The following LMX1A variants were observed in gnomAD, a reference collection of about 807,000 sequenced individuals.
LMX1A encodes the protein LIM homeobox transcription factor 1-alpha.
Under a neutral mutation model 49.1 loss-of-function variants are expected in LMX1A, and 15 were observed. That is an observed-to-expected ratio of 0.31 (90% CI 0.20 to 0.47). LMX1A has a LOEUF of 0.47. LMX1A is among the 20% of genes least tolerant of loss of function. The pLI is 1.00. For synonymous variants in LMX1A, 167 were observed against 185.7 expected (o/e 0.90, Z 0.82); for missense variants, 372 against 475.8 (o/e 0.78, Z 2.03).
At chr1:165,296,675 A>C (rs1171619626) in intron 3 of LMX1A, among the ~76,000 whole-genome samples, 1 of 152,240 alleles carries the variant, frequency 6.6e-6, no homozygotes, top group Admixed American at 6.5e-5. Flanking sequence ...GACCTCATAT[A>C]ATGGGATCTG....
chr1:165,328,512 A>C (rs1557886486), intron 3 of LMX1A, among the ~76,000 whole-genome samples: 2 of 152,158 alleles, frequency 1.3e-5, no homozygotes, highest in African/African-American at 4.8e-5. Context: ...AGACTGAACT[A>C]TGTGGTCCAC....
At chr1:165,353,765 G>A (rs1025246298) in intron 2 of LMX1A, among the ~76,000 whole-genome samples, 1 of 152,156 alleles carries the variant, frequency 6.6e-6, no homozygotes, top group Non-Finnish European at 1.5e-5. Context: ...AAAAGTCCTG[G>A]GGGTACAGAA....
intron 3 of LMX1A, among the ~76,000 whole-genome samples, chr1:165,331,956 C>T (rs952648352): frequency 2.0e-5 from 3 of 151,920 alleles, no homozygotes; most frequent in African/African-American, 7.3e-5. Flanking sequence ...ATAAAGAACA[C>T]AGAGGGGAAA....
At chr1:165,344,924 C>T (rs1656186882) in intron 3 of LMX1A, among the ~76,000 whole-genome samples, 1 of 152,252 alleles carries the variant, frequency 6.6e-6, no homozygotes, top group African/African-American at 2.4e-5. Flanking sequence ...CCAGGCCAAG[C>T]TGGCATCAGC....
chr1:165,230,396 T>C (rs1368768190), intron 4 of LMX1A, among the ~76,000 whole-genome samples: 2 of 149,794 alleles, frequency 1.3e-5, no homozygotes, highest in Non-Finnish European at 3.0e-5. Flanking sequence ...ACTTAGGCAA[T>C]GCCCAAGGAA....
chr1:165,246,023 A>G lies in LMX1A; in HGVS notation c.496+3385T>C, dbSNP rs138672935. ...CAACAAACACTTATCAAACACCTAC[A>G]ATATATACGTAAGGTGCTCAAGACA... On this transcript the variant is annotated intron_variant, in intron 4 of 8. Transcript: ENST00000342310. Among the ~76,000 whole-genome samples the G allele has an allele frequency of 4.5e-4, 69 of 151,990 alleles. No individual in the cohort carries two copies. The East Asian group carries it at 0.013, about 28-fold the overall frequency.
At chr1:165,269,381 C>T (rs911020277) in intron 3 of LMX1A, among the ~76,000 whole-genome samples, 1 of 152,178 alleles carries the variant, frequency 6.6e-6, no homozygotes, top group Admixed American at 6.5e-5. Context: ...GAATTTCAAC[C>T]ACACTAGACA....
intron 4 of LMX1A, among the ~76,000 whole-genome samples, chr1:165,239,353 C>T (rs1385673530): frequency 6.6e-6 from 1 of 152,194 alleles, no homozygotes; most frequent in Admixed American, 6.5e-5. Flanking sequence ...CTTTACCCAA[C>T]TCATAATTAT....
At chr1:165,217,754 C>A (rs574369288) in intron 4 of LMX1A, among the ~76,000 whole-genome samples, 1 of 152,194 alleles carries the variant, frequency 6.6e-6, no homozygotes, top group South Asian at 2.1e-4. Context: ...CAGTTCAAAT[C>A]CATGTTGCTC....
intron 3 of LMX1A, among the ~76,000 whole-genome samples, chr1:165,325,926 C>T (rs908387014): frequency 3.9e-5 from 6 of 152,104 alleles, no homozygotes; most frequent in African/African-American, 1.4e-4. Context: ...ACCCTAAGAC[C>T]CTCCCCCGGG....
At chr1:165,347,418 C>A (rs1371127258) in intron 3 of LMX1A, among the ~76,000 whole-genome samples, 1 of 152,184 alleles carries the variant, frequency 6.6e-6, no homozygotes, top group Non-Finnish European at 1.5e-5. Flanking sequence ...CACATAGGAG[C>A]CTTTCTGCTT....
At chr1:165,207,955 G>C in intron 7 of LMX1A, 108 bp downstream of exon 7, 1 of 900,132 alleles carries the variant, frequency 1.1e-6, no homozygotes, top group Non-Finnish European at 1.7e-6. Context: ...TGTGGTCTAG[G>C]CTTCACTGAG....
At chr1:165,318,999 T>TCTCTCTCTCA (rs1444303214) in intron 3 of LMX1A, among the ~76,000 whole-genome samples, 2 of 117,754 alleles carry the variant, frequency 1.7e-5, no homozygotes, top group African/African-American at 7.0e-5. Flanking sequence ...TCTCTCTCTC[T>TCTCTCTCTCA]CACACACACA....
chr1:165,245,206 G>C (rs1350371682), intron 4 of LMX1A, among the ~76,000 whole-genome samples: 3 of 152,030 alleles, frequency 2.0e-5, no homozygotes, highest in Admixed American at 1.3e-4. Context: ...CAGGTAATGA[G>C]CACAGTACCC....
chr1:165,266,900 T>C (rs1262402189), intron 3 of LMX1A, among the ~76,000 whole-genome samples: 1 of 110,622 alleles, frequency 9.0e-6, no homozygotes, highest in Non-Finnish European at 2.1e-5. Context: ...TGTGCCCGGC[T>C]TGCTTGCTTG....
intron 4 of LMX1A, among the ~76,000 whole-genome samples, chr1:165,222,817 C>T (rs1385991839): frequency 1.3e-5 from 2 of 152,180 alleles, no homozygotes; most frequent in Non-Finnish European, 2.9e-5. Flanking sequence ...CGGGTCTATG[C>T]CTTCAGACTC....
At chr1:165,337,664 G>A (rs532883704) in intron 3 of LMX1A, among the ~76,000 whole-genome samples, 86 of 152,172 alleles carry the variant, frequency 5.7e-4, no homozygotes, top group African/African-American at 1.8e-3. Context: ...TGATGTCCTT[G>A]GATTTTAAAA....
chr1:165,298,266 G>A (rs556269343), intron 3 of LMX1A, among the ~76,000 whole-genome samples: 97 of 152,282 alleles, frequency 6.4e-4, no homozygotes, highest in Non-Finnish European at 1.1e-3. Flanking sequence ...ATTTACTGCC[G>A]GTGAGGGCCT....
intron 5 of LMX1A, among the ~76,000 whole-genome samples, chr1:165,211,989 G>C (rs1404151714): frequency 6.6e-6 from 1 of 152,206 alleles, no homozygotes; most frequent in Non-Finnish European, 1.5e-5. Flanking sequence ...TGGGAGTTTA[G>C]TATACATGGA....
Sources: allele counts gnomAD v4.1 joint callset (sites outside exome capture counted in the v4.1 genomes callset), GRCh38; gene constraint gnomAD v4.1.1; transcripts MANE v1.5; gene names NCBI Gene and HGNC (gene_info 2026-07-23, HGNC 2026-07-21).